The following NRG4 variants were observed in gnomAD, a reference collection of about 807,000 sequenced individuals.
NRG4 encodes neuregulin 4.
A neutral mutation model predicts 15.0 loss-of-function variants in NRG4; 10 were observed. The observed-to-expected ratio is 0.67, with a 90% CI of 0.41 to 1.13. NRG4 has a LOEUF of 1.13. Ranked by LOEUF, NRG4 falls within the 50% of genes most tolerant of loss-of-function variation. NRG4 has a pLI of 0.00. For synonymous variants in NRG4, 41 were observed against 50.1 expected (o/e 0.82, Z 0.77); for missense variants, 139 against 140.2 (o/e 0.99, Z 0.04).
chr15:76,050,504 C>G (rs1334505060), intron 4 of NRG4, among the ~76,000 whole-genome samples: 2 of 131,274 alleles, frequency 1.5e-5, no homozygotes, highest in Non-Finnish European at 3.1e-5. Flanking sequence ...TGCAATGGCT[C>G]ACTGCAACCT....
At position 76,049,816 on chromosome 15, in the gene NRG4, TCC is replaced by T. The variant is rs1394102763; in HGVS notation, c.-105+2249_-105+2250del. 1.3e-4 allele frequency among the ~76,000 whole-genome samples: 19 copies of T among 150,856 alleles called. 1 individual carries two copies. Among genetic ancestry groups the T allele is most frequent in the African/African-American group, 1.7e-4 (7 of 40,414 alleles). ...CATTTCGGGGAACTATTCTTAACAA[TCC>T]CACTTGAACACACTGTTCTTTAAAT... On this transcript the variant is annotated intron_variant, in intron 4 of 8. Coordinates refer to the NRG4 transcript ENST00000563910.
chr15:76,031,820 A>C (rs1009841767), intron 5 of NRG4, among the ~76,000 whole-genome samples: 1 of 152,244 alleles, frequency 6.6e-6, no homozygotes, highest in Admixed American at 6.5e-5. Flanking sequence ...GTGCCATTGC[A>C]TTCCAGCCTG....
intron 3 of NRG4, among the ~76,000 whole-genome samples, chr15:75,993,346 G>A (rs1337840256): frequency 8.5e-6 from 1 of 117,202 alleles, no homozygotes; most frequent in East Asian, 2.6e-4. Context: ...CCAATTACAA[G>A]TATGTCAGTC....
intron 3 of NRG4, among the ~76,000 whole-genome samples, chr15:76,004,816 T>C (rs2034540878): frequency 6.6e-6 from 1 of 152,054 alleles, no homozygotes; most frequent in Non-Finnish European, 1.5e-5. Flanking sequence ...GATGCAACTA[T>C]ATGCTGACTA....
intron 4 of NRG4, among the ~76,000 whole-genome samples, chr15:75,957,062 A>G (rs1178292183): frequency 2.0e-5 from 3 of 152,162 alleles, no homozygotes; most frequent in Admixed American, 6.5e-5. Context: ...GTCAAAATTA[A>G]CTTATATATT....
chr15:75,942,255 T>G lies in NRG4; in HGVS notation c.*1383A>C, dbSNP rs550870169. On this transcript the variant is annotated 3_prime_UTR_variant, in exon 6 of 6. Transcript: ENST00000394907. ...GTGGATACATGACATTATATATTGG[T>G]CAAAATCCATAAAGACATACAACAA... 1 of 152,234 alleles carries G rather than the reference T, an allele frequency of 6.6e-6. No individual in the cohort carries two copies. Among genetic ancestry groups the G allele is most frequent in the Non-Finnish European group, 1.5e-5 (1 of 68,032 alleles). 9.4% of individuals were successfully genotyped at this position (152,234 alleles called of 1,614,324 possible).
intron 3 of NRG4, among the ~76,000 whole-genome samples, chr15:75,971,954 A>G (rs1418418278): frequency 6.6e-6 from 1 of 152,220 alleles, no homozygotes; most frequent in Non-Finnish European, 1.5e-5. Context: ...ACTGTCTTCC[A>G]CAATGGTTGA....
upstream of NRG4, among the ~76,000 whole-genome samples, chr15:76,015,645 C>T (rs748641574): frequency 5.3e-5 from 8 of 152,122 alleles, no homozygotes; most frequent in Admixed American, 1.3e-4. Context: ...TGATGGATTA[C>T]GGGTATTGAT....
At chr15:76,024,664 G>T (rs936794700) in intron 5 of NRG4, among the ~76,000 whole-genome samples, 2 of 152,208 alleles carry the variant, frequency 1.3e-5, no homozygotes, top group Non-Finnish European at 2.9e-5. Context: ...GACTCACTGT[G>T]CATACTCGCA....
downstream of NRG4, chr15:75,938,045 C>T (rs570166532): frequency 4.6e-5 from 7 of 152,238 alleles, no homozygotes; most frequent in Non-Finnish European, 1.0e-4. Context: ...AAGACCCAAG[C>T]TTTCACCTTG....
chr15:75,951,411 G>GC (rs1253349377), intron 5 of NRG4, among the ~76,000 whole-genome samples: 1 of 151,838 alleles, frequency 6.6e-6, no homozygotes, highest in Non-Finnish European at 1.5e-5. Flanking sequence ...CAAGTGGTCT[G>GC]CCCCCCTTGG....
intron 2 of NRG4, 109 bp downstream of exon 2, chr15:76,011,112 A>G (rs902062654): frequency 7.4e-6 from 7 of 947,508 alleles, no homozygotes; most frequent in African/African-American, 1.7e-5. Context: ...ATCTCTTCCA[A>G]TGATGTTGGA....
chr15:75,993,480 T>C (rs1380282207), intron 3 of NRG4, among the ~76,000 whole-genome samples: 1 of 147,614 alleles, frequency 6.8e-6, no homozygotes, highest in Non-Finnish European at 1.5e-5. Context: ...AGTGGACAGA[T>C]CACGAGGTCA....
chr15:75,993,681 G>A (rs1402488205), intron 3 of NRG4, among the ~76,000 whole-genome samples: 2 of 150,582 alleles, frequency 1.3e-5, no homozygotes, highest in African/African-American at 2.5e-5. Flanking sequence ...CTGGGTGACA[G>A]AGTGAGACTC....
intron 5 of NRG4, among the ~76,000 whole-genome samples, chr15:75,952,740 T>C (rs560215646): frequency 1.3e-5 from 2 of 152,216 alleles, no homozygotes; most frequent in South Asian, 4.1e-4. Context: ...GTTTTGATCG[T>C]CATTTCCTGA....
In NRG4 at chr15:75,955,967, T is replaced by C. The variant is rs745671806; in HGVS notation, c.296A>G (p.Asn99Ser). ...ACTGGTACTGCTCGTCTCTACCAGG[T>C]TGATATCATACTGGACTGAACTGGC... ...QRASSVQYDI[N>S]LVETSSTSAH... Residue 99 changes from asparagine (N) to serine (S), a missense_variant, in exon 5 of 6, where the codon AAC (asparagine) becomes AGC (serine). Coordinates refer to ENST00000394907, the MANE Select transcript of NRG4 (RefSeq NM_138573.4). The C allele has an allele frequency of 1.9e-6, 3 of 1,611,884 alleles. No homozygotes were observed. Among genetic ancestry groups the C allele is most frequent in the East Asian group, 2.2e-5 (1 of 44,852 alleles).
At chr15:76,029,595 A>G (rs568440102) in intron 5 of NRG4, among the ~76,000 whole-genome samples, 16 of 152,342 alleles carry the variant, frequency 1.1e-4, no homozygotes, top group African/African-American at 3.4e-4. Context: ...GAATACAAAC[A>G]TCGACATATA....
chr15:75,936,527 A>G (rs1035391367), downstream of NRG4: 1 of 152,338 alleles, frequency 6.6e-6, no homozygotes. Flanking sequence ...TGCTACTACA[A>G]AGTAGGAAAC....
At position 76,012,363 on chromosome 15, in the gene NRG4, A is replaced by T. The variant is rs2034841227; in HGVS notation, c.-101T>A. 6.6e-6 allele frequency: 1 copy of T among 152,218 alleles called. No homozygotes were observed. The highest frequency in any genetic ancestry group is 3.2e-3 in the Middle Eastern group (1 of 316). The allele number at this position is 152,218 out of a possible 1,614,324, so 9.4% of individuals were successfully genotyped here. A position where few individuals can be genotyped will look rare whatever the true frequency, so the allele number is the denominator to read the frequency against. Reference sequence around the variant, plus strand: ...TTTGTTGGACATGCAGTGTTTCAAAAGTTTTTGAATACCGCAGACAACAGC... The same window carrying T: ...TTTGTTGGACATGCAGTGTTTCAAATGTTTTTGAATACCGCAGACAACAGC... On this transcript the variant is annotated 5_prime_UTR_variant, in exon 1 of 6. Transcript: ENST00000394907.
Sources: gnomAD v4.1 joint callset for allele counts (sites outside exome capture counted in the v4.1 genomes callset) on GRCh38, gnomAD v4.1.1 for gene constraint, MANE v1.5 for transcripts, NCBI Gene and HGNC (gene_info 2026-07-23, HGNC 2026-07-21) for gene names.